UBAP2L: variants seen among roughly 807,000 people sequenced by gnomAD.
The protein encoded by UBAP2L is ubiquitin associated protein 2 like.
In UBAP2L, 12 loss-of-function variants were observed where a neutral mutation model predicts 130.6. The observed-to-expected ratio is 0.09, with a 90% CI of 0.06 to 0.15. The LOEUF (loss-of-function observed/expected upper bound fraction) is 0.15. Among genes scored for constraint, UBAP2L ranks in the 10% least tolerant of loss-of-function variants. The probability of loss-of-function intolerance (pLI) is 1.00; values close to 1 mark genes in which losing one functional copy is unlikely to be tolerated. For synonymous variants in UBAP2L, 503 were observed against 524.7 expected, an observed-to-expected ratio of 0.96 and a Z score of 0.57; for missense variants, 965 against 1,332.5, an observed-to-expected ratio of 0.72 and a Z score of 4.29.
chr1:154,221,923 T>C, intron 1 of UBAP2L, among the ~76,000 whole-genome samples: 1 of 152,296 alleles, frequency 6.6e-6, no homozygotes, highest in South Asian at 2.1e-4. Context: ...CTCATAATGG[T>C]ACAGGAATGC....
chr1:154,261,141 T>A, intron 23 of UBAP2L, 32 bp downstream of exon 23: 1 of 1,601,492 alleles, frequency 6.2e-7, no homozygotes, highest in Non-Finnish European at 8.5e-7. Context: ...CTCCTTGTGG[T>A]GAAGGATCCT....
intron 3 of UBAP2L, among the ~76,000 whole-genome samples, chr1:154,228,270 C>T (rs1668638721): frequency 6.6e-6 from 1 of 151,928 alleles, no homozygotes; most frequent in Non-Finnish European, 1.5e-5. Context: ...TCACTGCAAC[C>T]TCCGCCTCCT....
intron 8 of UBAP2L, among the ~76,000 whole-genome samples, chr1:154,240,504 G>C (rs1455400684): frequency 6.6e-6 from 1 of 152,104 alleles, no homozygotes; most frequent in Non-Finnish European, 1.5e-5. Context: ...ATATGAGTAA[G>C]GTTAGGACAG....
chr1:154,270,463 C>G lies in UBAP2L; in HGVS notation c.*168C>G. On this transcript the variant is annotated 3_prime_UTR_variant, in exon 27 of 27. Transcript: ENST00000428931. ...TGTCTGTCCCATTCCTATACCATCCCCACCCTGTTGTATGTATTATAGGAT... is the reference window on the plus strand; with the variant it reads ...TGTCTGTCCCATTCCTATACCATCCGCACCCTGTTGTATGTATTATAGGAT... The G allele has an allele frequency of 6.6e-7, 1 of 1,526,546 alleles. No homozygotes were observed. Among genetic ancestry groups the G allele is most frequent in the Non-Finnish European group, 8.8e-7 (1 of 1,142,346 alleles). 94.6% of individuals were successfully genotyped at this position (1,526,546 alleles called of 1,614,324 possible). A position where few individuals can be genotyped will look rare whatever the true frequency, so the allele number is the denominator to read the frequency against.
At chr1:154,228,471 GCCACT>G in intron 3 of UBAP2L, 139 bp from the exon 4 acceptor site, 1 of 576,186 alleles carries the variant, frequency 1.7e-6, no homozygotes, top group East Asian at 3.2e-5. Context: ...ATAGGCGTGA[GCCACT>G]GTGCCCAGCC....
In UBAP2L at chr1:154,270,680, T is replaced by G; in HGVS notation, c.*385T>G. On this transcript the variant is annotated 3_prime_UTR_variant, in exon 27 of 27. Coordinates refer to ENST00000428931, the MANE Select transcript of UBAP2L (RefSeq NM_014847.4). ...AGCCCTAAGTCTCCTTCTTTATTAT[T>G]AGGAAAACAACAACAACAACAAACA... The G allele has an allele frequency of 7.1e-7, 1 of 1,409,830 alleles. No individual in the cohort carries two copies. Among genetic ancestry groups the G allele is most frequent in the Non-Finnish European group, 9.2e-7 (1 of 1,088,944 alleles). The allele number at this position is 1,409,830 out of a possible 1,614,324, so 87.3% of individuals were successfully genotyped here.
At chr1:154,253,157 C>A (rs1014077523) in intron 14 of UBAP2L, among the ~76,000 whole-genome samples, 1 of 152,104 alleles carries the variant, frequency 6.6e-6, no homozygotes, top group Non-Finnish European at 1.5e-5. Context: ...GCGCCCACCA[C>A]CATGCCTGGC....
chr1:154,234,864 CT>C, intron 5 of UBAP2L, 105 bp downstream of exon 5: 3 of 1,481,068 alleles, frequency 2.0e-6, no homozygotes, highest in Non-Finnish European at 2.7e-6. Flanking sequence ...TTATATTATC[CT>C]TTTGCTTTTC....
Position 154,257,264 on chromosome 1 carries a change from C to T in UBAP2L, c.2353+6C>T. 1.2e-6 allele frequency: 2 copies of T among 1,614,182 alleles called. No individual in the cohort carries two copies. The highest frequency in any genetic ancestry group is 1.7e-6 in the Non-Finnish European group (2 of 1,180,014). On this transcript the variant is annotated splice_donor_region_variant and intron_variant, in intron 19 of 26. Transcript: ENST00000428931. ...CTCAGTTGCTACGACTTCAGGTAGCCTTGCATAAGCAGATGGCATTCCTCT... is the reference window on the plus strand; with the variant it reads ...CTCAGTTGCTACGACTTCAGGTAGCTTTGCATAAGCAGATGGCATTCCTCT...
intron 3 of UBAP2L, among the ~76,000 whole-genome samples, chr1:154,228,362 A>G (rs759809366): frequency 5.3e-5 from 8 of 151,998 alleles, no homozygotes; most frequent in Admixed American, 2.6e-4. Flanking sequence ...TAATTTTTGT[A>G]TTTTTAGTAG....
intron 11 of UBAP2L, 145 bp from the exon 12 acceptor site, chr1:154,249,094 C>T (rs570427987): frequency 2.3e-5 from 17 of 741,938 alleles, no homozygotes; most frequent in Admixed American, 2.2e-4. Flanking sequence ...GTCCTATACT[C>T]TAGTGGACTA....
rs371485261 is a variant in UBAP2L, at chr1:154,257,145, C to G, written c.2240C>G (p.Pro747Arg). 1 of 1,614,198 alleles carries G rather than the reference C, an allele frequency of 6.2e-7. No homozygotes were observed. Among genetic ancestry groups the G allele is most frequent in the Non-Finnish European group, 8.5e-7 (1 of 1,180,046 alleles). The change falls in exon 19 of 27, where the codon CCC (proline) becomes CGC (arginine). Residue 747 changes from proline (P) to arginine (R), a missense_variant. By Grantham distance (103) the Pro-to-Arg change is moderately radical. Around this residue, in one of 9 missense-constraint regions of UBAP2L, gnomAD observed 393 missense variants for 408.1 expected, o/e 0.96. Transcript: ENST00000428931. ...ACATCCAGCACAGTCTCTGCACCTC[C>G]CCCAGTGGTCAGTGTCTCCTCCAGT... is the stretch of plus-strand genomic sequence containing the variant. ...STTSSTVSAPPPVVSVSSSLN... is the reference protein window; with the variant it reads ...STTSSTVSAPRPVVSVSSSLN...
intron 25 of UBAP2L, 117 bp from the exon 26 acceptor site, chr1:154,268,640 T>C (rs1684057379): frequency 9.4e-6 from 9 of 952,524 alleles, no homozygotes; most frequent in Non-Finnish European, 1.5e-5. Context: ...TCAAGTGTAC[T>C]GTGCCTTCTG....
At chr1:154,260,144 T>C in intron 22 of UBAP2L, 115 bp downstream of exon 22, 2 of 1,170,178 alleles carry the variant, frequency 1.7e-6, no homozygotes. Context: ...AGATTCAAAA[T>C]CCTGCTAAAG....
downstream of UBAP2L, chr1:154,271,015 G>A (rs1684649317): frequency 7.0e-7 from 1 of 1,429,886 alleles, no homozygotes; most frequent in African/African-American, 1.4e-5. Context: ...ACCTTAATGT[G>A]GTAGTAGTAT....
chr1:154,220,498 C>A, upstream of UBAP2L: 2 of 1,417,878 alleles, frequency 1.4e-6, no homozygotes, highest in Non-Finnish European at 2.0e-6. Flanking sequence ...CGCCTGGGTC[C>A]CCTGGAGCTC....
chr1:154,251,938 A>T (rs1571860093), intron 14 of UBAP2L, among the ~76,000 whole-genome samples: 1 of 152,038 alleles, frequency 6.6e-6, no homozygotes, highest in East Asian at 1.9e-4. Context: ...GGAGTTCAAG[A>T]CCAGCCTGGG....
chr1:154,258,729 TATCAAGAAGCC>T, intron 20 of UBAP2L: 1 of 397,546 alleles, frequency 2.5e-6, no homozygotes, highest in South Asian at 3.1e-5. Flanking sequence ...ACTCTATTGG[TATCAAGAAGCC>T]AGCCTACTAG....
At chr1:154,265,465 T>C (rs1268477144) in intron 24 of UBAP2L, among the ~76,000 whole-genome samples, 2 of 152,240 alleles carry the variant, frequency 1.3e-5, no homozygotes, top group Admixed American at 6.5e-5. Context: ...AATATATCTT[T>C]TTAAAATCAT....
Sources: allele counts gnomAD v4.1 joint callset (sites outside exome capture counted in the v4.1 genomes callset), GRCh38; gene constraint gnomAD v4.1.1; regional missense constraint gnomAD v4.1.1; transcripts MANE v1.5; gene names NCBI Gene and HGNC (gene_info 2026-07-23, HGNC 2026-07-21).